Variants in ANKRD44 observed in about 807,000 individuals in gnomAD.
ANKRD44 encodes serine/threonine-protein phosphatase 6 regulatory ankyrin repeat subunit B.
ANKRD44 carries 35 observed loss-of-function variants against 116.0 expected under a neutral mutation model. The observed-to-expected ratio is 0.30, with a 90% CI of 0.23 to 0.40. The LOEUF (loss-of-function observed/expected upper bound fraction) is 0.40. Among genes scored for constraint, ANKRD44 ranks in the 10% least tolerant of loss-of-function variants. The pLI is 1.00. For synonymous variants in ANKRD44, 435 were observed against 461.8 expected (o/e 0.94, Z 0.74); for missense variants, 1,014 against 1,242.6 (o/e 0.82, Z 2.77).
rs371872824 is a variant in ANKRD44 at position 197,062,708 on chromosome 2, G to A, written c.1650+15995C>T. Reference sequence around the variant, plus strand: ...GCTCAGAAGACCCCATGCCCACAAAGCCTCACTCATTGCTAGCATAGCAGT... The same window carrying A: ...GCTCAGAAGACCCCATGCCCACAAAACCTCACTCATTGCTAGCATAGCAGT... On this transcript the variant is annotated intron_variant, in intron 16 of 27. Coordinates refer to ENST00000282272, the MANE Select transcript of ANKRD44 (RefSeq NM_001195144.2). Among the ~76,000 whole-genome samples the A allele has an allele frequency of 1.9e-4, 29 of 152,320 alleles. No individual in the cohort carries two copies. The South Asian group carries it at 6.0e-3, about 32-fold the overall frequency.
At position 197,296,459 on chromosome 2, in the gene ANKRD44, T is replaced by C. The variant is rs374274971; in HGVS notation, c.27+14119A>G. 3 of 152,332 alleles carry C rather than the reference T, an allele frequency of 2.0e-5. No individual in the cohort carries two copies. The South Asian group carries it at 6.2e-4, about 32-fold the overall frequency. 9.4% of individuals were successfully genotyped at this position (152,332 alleles called of 1,614,324 possible). A position where few individuals can be genotyped will look rare whatever the true frequency, so the allele number is the denominator to read the frequency against. On this transcript the variant is annotated intron_variant, in intron 1 of 27. Transcript: ENST00000282272. Reference sequence around the variant, plus strand: ...GAACAGCAAGGATCAATGTCAATTATTTCAAAGAACAAAGGACAGCAGGTG... The same window carrying C: ...GAACAGCAAGGATCAATGTCAATTACTTCAAAGAACAAAGGACAGCAGGTG...
chr2:197,308,576 G>A (rs763633509), intron 1 of ANKRD44, among the ~76,000 whole-genome samples: 1 of 151,094 alleles, frequency 6.6e-6, no homozygotes, highest in Non-Finnish European at 1.5e-5. Context: ...ATCTTAAAAC[G>A]CCTTAGGTTC....
At chr2:197,302,349 A>T (rs2083936467) in intron 1 of ANKRD44, 2 of 152,322 alleles carry the variant, frequency 1.3e-5, no homozygotes, top group African/African-American at 4.8e-5. Context: ...GACCAGTCAG[A>T]GGCTGCTGTT....
chr2:197,240,277 AG>A (rs2082062364), intron 1 of ANKRD44, among the ~76,000 whole-genome samples: 1 of 150,316 alleles, frequency 6.7e-6, no homozygotes, highest in Non-Finnish European at 1.5e-5. Flanking sequence ...CAGGAGGCTG[AG>A]GCACGAGAAT....
intron 16 of ANKRD44, among the ~76,000 whole-genome samples, chr2:197,068,379 G>GAAAAAAATAAAAAAATGAATAAA (rs2077482399): frequency 2.0e-5 from 1 of 50,884 alleles, no homozygotes; most frequent in African/African-American, 3.8e-5. Flanking sequence ...ATAAAAAAAA[G>GAAAAAAATAAAAAAATGAATAAA]AAAAAAATAA....
At chr2:197,015,408 T>C in intron 17 of ANKRD44, 1 of 576,820 alleles carries the variant, frequency 1.7e-6, no homozygotes, top group Non-Finnish European at 3.1e-6. Context: ...TAACTTTTGA[T>C]GATCATGCTA....
intron 4 of ANKRD44, among the ~76,000 whole-genome samples, chr2:197,130,624 T>C (rs189802453): frequency 2.4e-4 from 36 of 152,344 alleles, no homozygotes; most frequent in Middle Eastern, 3.4e-3. Flanking sequence ...TAATAGATTA[T>C]AAAATGCTTA....
chr2:197,011,408 C>CTTTTG (rs770985589), intron 18 of ANKRD44, among the ~76,000 whole-genome samples: 3 of 151,658 alleles, frequency 2.0e-5, no homozygotes, highest in Admixed American at 6.6e-5. Flanking sequence ...TACAGTTGTG[C>CTTTTG]TTTTGTTTTG....
intron 1 of ANKRD44, among the ~76,000 whole-genome samples, chr2:197,210,717 G>A (rs892804950): frequency 3.3e-5 from 5 of 152,190 alleles, no homozygotes; most frequent in Non-Finnish European, 1.5e-5. Context: ...GTTGTGGACT[G>A]GAATGGCATG....
Position 197,175,676 on chromosome 2 carries a change from T to G in ANKRD44, c.111+11347A>C, listed in dbSNP as rs143126638. ...CCTTCAATGCTTTTTGGAGTTAACA[T>G]AAATTGACCAAGAAAGTACACAATG... is the stretch of plus-strand genomic sequence containing the variant. On this transcript the variant is annotated intron_variant, in intron 2 of 27. Coordinates refer to ENST00000282272, the MANE Select transcript of ANKRD44 (RefSeq NM_001195144.2). 1.7e-3 allele frequency among the ~76,000 whole-genome samples: 254 copies of G among 152,234 alleles called. 1 individual carries two copies. Among genetic ancestry groups the G allele is most frequent in the African/African-American group, 5.9e-3 (244 of 41,542 alleles).
intron 10 of ANKRD44, among the ~76,000 whole-genome samples, chr2:197,095,034 C>A (rs1375776465): frequency 6.6e-6 from 1 of 152,238 alleles, no homozygotes; most frequent in Non-Finnish European, 1.5e-5. Flanking sequence ...CCACCTGAAA[C>A]TCTCTTATCT....
At chr2:197,114,761 C>T (rs2078668917) in intron 8 of ANKRD44, among the ~76,000 whole-genome samples, 1 of 152,186 alleles carries the variant, frequency 6.6e-6, no homozygotes, top group South Asian at 2.1e-4. Flanking sequence ...TTAAGTCCAA[C>T]CTGCGGTTAG....
intron 1 of ANKRD44, among the ~76,000 whole-genome samples, chr2:197,191,465 A>G (rs566097214): frequency 1.8e-4 from 27 of 152,330 alleles, no homozygotes; most frequent in African/African-American, 6.0e-4. Flanking sequence ...GCCGAAAGCC[A>G]CTTTCTCTAC....
intron 2 of ANKRD44, among the ~76,000 whole-genome samples, chr2:197,170,190 CAAAA>C (rs71012960): frequency 5.8e-5 from 7 of 119,742 alleles, no homozygotes; most frequent in East Asian, 2.4e-4. Context: ...ACCCTGTTTC[CAAAA>C]AAAAAAAAAA....
intron 2 of ANKRD44, among the ~76,000 whole-genome samples, chr2:197,149,519 G>T (rs982332331): frequency 1.3e-5 from 2 of 152,164 alleles, no homozygotes; most frequent in East Asian, 3.8e-4. Context: ...AAAGGTTTCT[G>T]GTAGTTTCCA....
At chr2:197,267,778 C>T (rs905612137) in intron 1 of ANKRD44, among the ~76,000 whole-genome samples, 3 of 152,162 alleles carry the variant, frequency 2.0e-5, no homozygotes, top group Non-Finnish European at 2.9e-5. Context: ...GGAAGACTGT[C>T]TCTCCGTGCT....
At chr2:197,037,989 G>T (rs796125819) in intron 16 of ANKRD44, among the ~76,000 whole-genome samples, 11 of 152,172 alleles carry the variant, frequency 7.2e-5, no homozygotes, top group African/African-American at 2.7e-4. Flanking sequence ...AAAACCAGGG[G>T]TTGGAGGTTG....
intron 1 of ANKRD44, chr2:197,263,354 T>C (rs1035716003): frequency 6.4e-5 from 42 of 659,260 alleles, no homozygotes; most frequent in Non-Finnish European, 9.5e-5. Context: ...GGCGCCACAG[T>C]TGGGGTGGCG....
chr2:197,238,318 C>T (rs1332940696), intron 1 of ANKRD44, among the ~76,000 whole-genome samples: 1 of 136,454 alleles, frequency 7.3e-6, no homozygotes, highest in Non-Finnish European at 1.7e-5. Flanking sequence ...CACATCCTGA[C>T]ACTCTACCGT....
Sources: allele counts gnomAD v4.1 joint callset (sites outside exome capture counted in the v4.1 genomes callset), GRCh38; gene constraint gnomAD v4.1.1; transcripts MANE v1.5; gene names NCBI Gene and HGNC (gene_info 2026-07-23, HGNC 2026-07-21).